NRG3: variants seen among roughly 807,000 people sequenced by gnomAD.
NRG3 encodes neuregulin 3, also known as pro-neuregulin-3, membrane-bound isoform.
NRG3 carries 31 observed loss-of-function variants against 66.9 expected under a neutral mutation model. That is an observed-to-expected ratio of 0.46 (90% confidence interval 0.35 to 0.63). The LOEUF (loss-of-function observed/expected upper bound fraction) is 0.63, where lower values mean the gene tolerates loss of function less well. NRG3 is among the 20% of genes least tolerant of loss of function. NRG3 has a pLI of 0.00. For synonymous variants in NRG3, 393 were observed against 359.4 expected, an observed-to-expected ratio of 1.09 and a Z score of -1.06; for missense variants, 910 against 878.9, an observed-to-expected ratio of 1.04 and a Z score of -0.45.
At chr10:82,056,857 A>T (rs1036331217) in intron 1 of NRG3, among the ~76,000 whole-genome samples, 5 of 152,080 alleles carry the variant, frequency 3.3e-5, no homozygotes, top group Non-Finnish European at 5.9e-5. Flanking sequence ...TAGTCTAATT[A>T]TTGTTTATTG....
At chr10:82,742,241 T>C (rs2058458573) in intron 3 of NRG3, among the ~76,000 whole-genome samples, 1 of 152,126 alleles carries the variant, frequency 6.6e-6, no homozygotes, top group Non-Finnish European at 1.5e-5. Flanking sequence ...GTGTATCTTT[T>C]ACATTAAATT....
At chr10:82,804,345 C>G (rs1254844049) in intron 3 of NRG3, among the ~76,000 whole-genome samples, 1 of 152,188 alleles carries the variant, frequency 6.6e-6, no homozygotes, top group Non-Finnish European at 1.5e-5. Context: ...TGTCACACAT[C>G]AAGCTGCAAA....
chr10:82,502,028 G>C (rs918511787), intron 2 of NRG3, among the ~76,000 whole-genome samples: 1 of 152,132 alleles, frequency 6.6e-6, no homozygotes, highest in Non-Finnish European at 1.5e-5. Context: ...AATGAAATCC[G>C]AAGAGATCCA....
At chr10:82,408,877 C>A (rs996400176) in intron 2 of NRG3, among the ~76,000 whole-genome samples, 1 of 151,922 alleles carries the variant, frequency 6.6e-6, no homozygotes, top group Non-Finnish European at 1.5e-5. Context: ...AATAGGAAAT[C>A]TATAAGTCCT....
At chr10:82,695,616 TC>T (rs1187750191) in intron 2 of NRG3, among the ~76,000 whole-genome samples, 2 of 152,124 alleles carry the variant, frequency 1.3e-5, no homozygotes, top group African/African-American at 4.8e-5. Flanking sequence ...GAGAGGTGTT[TC>T]TGTTTTCTCT....
rs1010899400 is a variant in NRG3, at chr10:82,487,040, A to C, written c.953+128172A>C. ...CTGAACACAAAAGTTTAAGAGGTTT[A>C]ACATAATGGTTATTATATATGTATA... On this transcript the variant is annotated intron_variant, in intron 2 of 8. Coordinates refer to ENST00000372141, the MANE Select transcript of NRG3 (RefSeq NM_001010848.4). 3.3e-5 allele frequency among the ~76,000 whole-genome samples: 5 copies of C among 149,924 alleles called. No homozygotes were observed. The East Asian group carries it at 9.7e-4, about 29-fold the overall frequency.
intron 1 of NRG3, among the ~76,000 whole-genome samples, chr10:81,993,294 G>C (rs2060810126): frequency 6.6e-6 from 1 of 152,156 alleles, no homozygotes; most frequent in Non-Finnish European, 1.5e-5. Context: ...GAGGATATTA[G>C]TTGACCATGA....
At chr10:82,836,852 A>T (rs1403736651) in intron 3 of NRG3, among the ~76,000 whole-genome samples, 2 of 151,740 alleles carry the variant, frequency 1.3e-5, no homozygotes, top group African/African-American at 4.9e-5. Flanking sequence ...TTAACTCATC[A>T]TTTAACATTA....
intron 1 of NRG3, among the ~76,000 whole-genome samples, chr10:82,257,573 C>T (rs191894053): frequency 6.6e-6 from 1 of 152,168 alleles, no homozygotes; most frequent in African/African-American, 2.4e-5. Flanking sequence ...AGTTCCAGAC[C>T]AGCCTGGCCA....
intron 3 of NRG3, among the ~76,000 whole-genome samples, chr10:82,776,897 A>G (rs1591489490): frequency 6.6e-6 from 1 of 152,018 alleles, no homozygotes; most frequent in East Asian, 1.9e-4. Context: ...TTATGTATTC[A>G]TCTTCAGGCA....
chr10:82,583,661 C>A (rs1280367023), intron 2 of NRG3, among the ~76,000 whole-genome samples: 1 of 152,068 alleles, frequency 6.6e-6, no homozygotes, highest in African/African-American at 2.4e-5. Flanking sequence ...ATGGAACTCC[C>A]AAGTATGGTT....
At chr10:82,061,698 G>A (rs1168874919) in intron 1 of NRG3, among the ~76,000 whole-genome samples, 1 of 151,994 alleles carries the variant, frequency 6.6e-6, no homozygotes, top group African/African-American at 2.4e-5. Flanking sequence ...CTGCCTTTAG[G>A]TCTTTACTTG....
intron 1 of NRG3, among the ~76,000 whole-genome samples, chr10:81,906,848 G>A (rs1192662776): frequency 2.6e-5 from 4 of 152,256 alleles, no homozygotes; most frequent in South Asian, 4.2e-4. Flanking sequence ...GCAAAGGAGC[G>A]GGTGTGAGGA....
intron 1 of NRG3, among the ~76,000 whole-genome samples, chr10:82,350,108 G>T (rs1370129787): frequency 6.6e-6 from 1 of 152,020 alleles, no homozygotes; most frequent in Admixed American, 6.6e-5. Flanking sequence ...TTTTTTACAC[G>T]GAACCCACGA....
At chr10:82,135,288 G>A (rs1214625290) in intron 1 of NRG3, among the ~76,000 whole-genome samples, 1 of 151,338 alleles carries the variant, frequency 6.6e-6, no homozygotes, top group Non-Finnish European at 1.5e-5. Context: ...TTGATCTTTG[G>A]TAGTTTGATT....
intron 3 of NRG3, among the ~76,000 whole-genome samples, chr10:82,767,414 T>C (rs1037224740): frequency 1.3e-5 from 2 of 152,138 alleles, no homozygotes; most frequent in African/African-American, 4.8e-5. Flanking sequence ...GTCTGAAAAA[T>C]GTCTTTATTC....
chr10:82,947,625 G>A (rs1490065415), intron 4 of NRG3, among the ~76,000 whole-genome samples: 1 of 152,004 alleles, frequency 6.6e-6, no homozygotes, highest in Non-Finnish European at 1.5e-5. Flanking sequence ...ACCTATTCTA[G>A]CGGGGGTGCC....
At chr10:82,461,634 C>A (rs1437029690) in intron 2 of NRG3, among the ~76,000 whole-genome samples, 1 of 152,154 alleles carries the variant, frequency 6.6e-6, no homozygotes, top group Admixed American at 6.5e-5. Flanking sequence ...TGGTATTTAT[C>A]TACGCACCCC....
chr10:82,584,017 GA>G (rs1201880783), intron 2 of NRG3, among the ~76,000 whole-genome samples: 3 of 152,090 alleles, frequency 2.0e-5, no homozygotes, highest in African/African-American at 7.2e-5. Context: ...AATGGGAATT[GA>G]AAAAATAAAA....
Sources: gnomAD v4.1 joint callset for allele counts (sites outside exome capture counted in the v4.1 genomes callset) on GRCh38, gnomAD v4.1.1 for gene constraint, MANE v1.5 for transcripts, NCBI Gene and HGNC (gene_info 2026-07-23, HGNC 2026-07-21) for gene names.